Variants in ENOX1 observed in about 807,000 individuals in gnomAD.
The protein encoded by ENOX1 is ecto-NOX disulfide-thiol exchanger 1.
Under a neutral mutation model 82.5 loss-of-function variants are expected in ENOX1, and 42 were observed. The observed-to-expected ratio is 0.51, with a 90% confidence interval of 0.40 to 0.66. The LOEUF is 0.66. Among genes scored for constraint, ENOX1 ranks in the 30% least tolerant of loss-of-function variants. The pLI is 0.00. For synonymous variants in ENOX1, 271 were observed against 282.2 expected (o/e 0.96, Z 0.40); for missense variants, 608 against 811.6 (o/e 0.75, Z 3.05).
chr13:43,721,922 A>T (rs942641675), intron 1 of ENOX1, among the ~76,000 whole-genome samples: 1 of 152,124 alleles, frequency 6.6e-6, no homozygotes, highest in African/African-American at 2.4e-5. Context: ...AGGACGAAAG[A>T]TCTTAGGGTC....
chr13:43,286,115 C>G (rs2045689170), intron 12 of ENOX1, among the ~76,000 whole-genome samples: 1 of 152,104 alleles, frequency 6.6e-6, no homozygotes, highest in Non-Finnish European at 1.5e-5. Context: ...TGGCAGGGTT[C>G]AGGGCTTCAG....
intron 2 of ENOX1, among the ~76,000 whole-genome samples, chr13:43,591,565 A>T (rs2081247370): frequency 6.6e-6 from 1 of 152,214 alleles, no homozygotes; most frequent in Admixed American, 6.5e-5. Context: ...TTTATTGGCA[A>T]TGGTCTTTAG....
intron 1 of ENOX1, among the ~76,000 whole-genome samples, chr13:43,780,172 GAA>G (rs545993269): frequency 1.6e-4 from 21 of 130,992 alleles, no homozygotes; most frequent in African/African-American, 5.0e-4. Flanking sequence ...AAAAAAAAAA[GAA>G]AAAAAAAAAA....
intron 5 of ENOX1, among the ~76,000 whole-genome samples, chr13:43,407,872 A>G (rs1307801433): frequency 6.6e-6 from 1 of 152,066 alleles, no homozygotes; most frequent in African/African-American, 2.4e-5. Context: ...ATCAAAGGCA[A>G]CAAAAAAACT....
In ENOX1 at chr13:43,265,441, T is replaced by C; in HGVS notation, c.1568A>G (p.Lys523Arg). The C allele has an allele frequency of 6.2e-7, 1 of 1,612,188 alleles. No homozygotes were observed. The highest frequency in any genetic ancestry group is 2.2e-5 in the East Asian group (1 of 44,832). ...KVLQEQLKGT[K>R]ELVETNGHSH... Reference sequence around the variant, plus strand: ...GTGGCCATTGGTCTCGACCAATTCCTTGGTACCTTTTAACTGCAAATTTTA... The same window carrying C: ...GTGGCCATTGGTCTCGACCAATTCCCTGGTACCTTTTAACTGCAAATTTTA... The change falls in exon 14 of 17, where the codon AAG becomes AGG. Residue 523 changes from lysine (K) to arginine (R), a missense_variant. Coordinates refer to ENST00000690772, the MANE Select transcript of ENOX1 (RefSeq NM_001347969.2).
At chr13:43,520,130 T>C (rs1029048401) in intron 2 of ENOX1, among the ~76,000 whole-genome samples, 1 of 152,260 alleles carries the variant, frequency 6.6e-6, no homozygotes, top group African/African-American at 2.4e-5. Flanking sequence ...AATAAGTGAA[T>C]AAATAAGTGC....
At chr13:43,706,216 T>A (rs1398143882) in intron 1 of ENOX1, among the ~76,000 whole-genome samples, 5 of 152,020 alleles carry the variant, frequency 3.3e-5, no homozygotes, top group Non-Finnish European at 5.9e-5. Flanking sequence ...GTGAATGATC[T>A]ATGCTACCAA....
chr13:43,734,711 G>A (rs1435418483), intron 1 of ENOX1, among the ~76,000 whole-genome samples: 3 of 152,124 alleles, frequency 2.0e-5, no homozygotes, highest in African/African-American at 7.2e-5. Flanking sequence ...ATCACAGCAT[G>A]CACCACTAGC....
At chr13:43,736,984 C>A (rs1351252372) in intron 1 of ENOX1, among the ~76,000 whole-genome samples, 1 of 152,184 alleles carries the variant, frequency 6.6e-6, no homozygotes, top group Non-Finnish European at 1.5e-5. Context: ...AAGATACTGT[C>A]TTAACACAGG....
At chr13:43,630,856 T>TACACAC (rs747970083) in intron 2 of ENOX1, among the ~76,000 whole-genome samples, 135 of 13,102 alleles carry the variant, frequency 0.01, no homozygotes, top group Middle Eastern at 0.062. Context: ...CATATATATA[T>TACACAC]ATATACACAC....
At chr13:43,377,464 A>G (rs138850147) in intron 5 of ENOX1, among the ~76,000 whole-genome samples, 3 of 152,292 alleles carry the variant, frequency 2.0e-5, no homozygotes, top group Non-Finnish European at 4.4e-5. Flanking sequence ...ATGAACTAAG[A>G]TACTCCCCAC....
intron 1 of ENOX1, among the ~76,000 whole-genome samples, chr13:43,680,095 A>G (rs1375333322): frequency 6.6e-6 from 1 of 152,214 alleles, no homozygotes; most frequent in East Asian, 1.9e-4. Context: ...TTTTGTTCAT[A>G]GTTATTTCCT....
chr13:43,299,647 T>G (rs567335588), intron 11 of ENOX1, among the ~76,000 whole-genome samples: 4 of 152,264 alleles, frequency 2.6e-5, no homozygotes, highest in Non-Finnish European at 4.4e-5. Flanking sequence ...ACCAGGCTGT[T>G]CAAAACCAGT....
intron 14 of ENOX1, among the ~76,000 whole-genome samples, chr13:43,246,731 G>A (rs1246587964): frequency 6.6e-6 from 1 of 152,170 alleles, no homozygotes; most frequent in Non-Finnish European, 1.5e-5. Context: ...CTGTGGTTGG[G>A]CCACATGCAG....
chr13:43,454,553 T>C (rs1448323500), intron 3 of ENOX1, among the ~76,000 whole-genome samples: 1 of 152,146 alleles, frequency 6.6e-6, no homozygotes, highest in Non-Finnish European at 1.5e-5. Flanking sequence ...CTATGCAAAA[T>C]AAGGAAAATT....
intron 1 of ENOX1, among the ~76,000 whole-genome samples, chr13:43,752,071 T>C (rs921241119): frequency 6.6e-6 from 1 of 152,202 alleles, no homozygotes; most frequent in Non-Finnish European, 1.5e-5. Flanking sequence ...ATTACAACCA[T>C]TCTACTATGT....
At chr13:43,365,562 A>G (rs1208332005) in intron 5 of ENOX1, among the ~76,000 whole-genome samples, 3 of 152,214 alleles carry the variant, frequency 2.0e-5, no homozygotes, top group Non-Finnish European at 4.4e-5. Flanking sequence ...TCCAGGGTTC[A>G]GACCCAGCCC....
At chr13:43,577,786 A>G (rs548566996) in intron 2 of ENOX1, among the ~76,000 whole-genome samples, 1 of 152,252 alleles carries the variant, frequency 6.6e-6, no homozygotes, top group East Asian at 1.9e-4. Flanking sequence ...TGCAGACAGA[A>G]AGCTCATTTA....
chr13:43,662,207 A>T (rs891793030), intron 2 of ENOX1, among the ~76,000 whole-genome samples: 2 of 152,134 alleles, frequency 1.3e-5, no homozygotes, highest in Non-Finnish European at 2.9e-5. Flanking sequence ...TCAGTTTTTC[A>T]TGTTTACCCT....
Sources: allele counts gnomAD v4.1 joint callset (sites outside exome capture counted in the v4.1 genomes callset), GRCh38; gene constraint gnomAD v4.1.1; transcripts MANE v1.5; gene names NCBI Gene and HGNC (gene_info 2026-07-23, HGNC 2026-07-21).